DLG2: variants seen among roughly 807,000 people sequenced by gnomAD.
DLG2 encodes discs large MAGUK scaffold protein 2, also known as disks large homolog 2.
DLG2 carries 45 observed loss-of-function variants against 132.5 expected under a neutral mutation model. The observed-to-expected ratio is 0.34, with a 90% CI of 0.27 to 0.44. The LOEUF is 0.44. Ranked by LOEUF, DLG2 falls within the 20% of genes least tolerant of loss-of-function variation. The pLI, the probability that DLG2 is intolerant of heterozygous loss-of-function variation, is 1.00. For synonymous variants in DLG2, 424 were observed against 419.6 expected, an observed-to-expected ratio of 1.01 and a Z score of -0.13; for missense variants, 1,045 against 1,196.9, an observed-to-expected ratio of 0.87 and a Z score of 1.87.
chr11:84,044,345 T>C (rs1486413345), intron 11 of DLG2, among the ~76,000 whole-genome samples: 2 of 151,838 alleles, frequency 1.3e-5, no homozygotes, highest in Admixed American at 6.6e-5. Flanking sequence ...AATTCTTTCA[T>C]CCTGCTCATG....
chr11:83,706,797 G>A (rs750246178), intron 18 of DLG2, among the ~76,000 whole-genome samples: 7 of 152,198 alleles, frequency 4.6e-5, no homozygotes, highest in South Asian at 2.1e-4. Context: ...AGAGAGAGGC[G>A]TGGCAGCTAA....
intron 4 of DLG2, among the ~76,000 whole-genome samples, chr11:85,175,953 G>A (rs1405028629): frequency 6.6e-6 from 1 of 152,128 alleles, no homozygotes; most frequent in African/African-American, 2.4e-5. Flanking sequence ...ACTGCTCAAG[G>A]AAATCAGAGA....
chr11:83,464,027 T>C (rs142776778), intron 26 of DLG2, among the ~76,000 whole-genome samples: 23 of 152,352 alleles, frequency 1.5e-4, no homozygotes, highest in African/African-American at 4.8e-4. Context: ...GTTGAATGAA[T>C]AGATGAGTAA....
chr11:83,684,855 C>T (rs1404341168), intron 18 of DLG2, among the ~76,000 whole-genome samples: 2 of 152,046 alleles, frequency 1.3e-5, no homozygotes, highest in Non-Finnish European at 2.9e-5. Flanking sequence ...GTCATGATAA[C>T]TCTTATATTG....
At chr11:84,695,013 T>C (rs2058468652) in intron 6 of DLG2, among the ~76,000 whole-genome samples, 1 of 151,550 alleles carries the variant, frequency 6.6e-6, no homozygotes, top group African/African-American at 2.4e-5. Flanking sequence ...TTCTAGTATA[T>C]TGATGCTTAT....
At chr11:83,904,839 C>T (rs957672813) in intron 15 of DLG2, among the ~76,000 whole-genome samples, 13 of 152,118 alleles carry the variant, frequency 8.5e-5, no homozygotes, top group African/African-American at 3.1e-4. Context: ...ACTGTGGGAA[C>T]TGGAGCTCAG....
In DLG2 at chr11:84,198,969, G is replaced by A. The variant is rs560786792; in HGVS notation, c.574-35458C>T. 7.2e-5 allele frequency among the ~76,000 whole-genome samples: 11 copies of A among 152,210 alleles called. No homozygotes were observed. In the East Asian group the frequency reaches 2.1e-3, roughly 29 times the overall value. ...CAAGAAACTTACCTTGTTAAAAAAT[G>A]GTCAACAGAGCTATGGATAACGGTA... On this transcript the variant is annotated intron_variant, in intron 8 of 27. Coordinates refer to ENST00000376104, the MANE Select transcript of DLG2 (RefSeq NM_001142699.3).
chr11:84,622,303 C>A (rs2099615389), intron 6 of DLG2, among the ~76,000 whole-genome samples: 1 of 152,164 alleles, frequency 6.6e-6, no homozygotes. Flanking sequence ...CAGTTCACCA[C>A]CAGAAAGAGT....
intron 6 of DLG2, among the ~76,000 whole-genome samples, chr11:84,600,484 T>C (rs2099574483): frequency 2.0e-5 from 3 of 152,188 alleles, no homozygotes; most frequent in Non-Finnish European, 4.4e-5. Flanking sequence ...AGCAGAAATA[T>C]TCGACAGATT....
intron 6 of DLG2, among the ~76,000 whole-genome samples, chr11:84,806,153 A>G (rs2075974117): frequency 1.3e-5 from 2 of 152,194 alleles, no homozygotes; most frequent in Non-Finnish European, 2.9e-5. Context: ...TATTGACCTA[A>G]AAAATCACAA....
At chr11:85,104,057 T>A (rs2071307842) in intron 6 of DLG2, among the ~76,000 whole-genome samples, 2 of 151,942 alleles carry the variant, frequency 1.3e-5, no homozygotes, top group Middle Eastern at 3.4e-3. Flanking sequence ...AGATAGGTAA[T>A]AACGAGTGTT....
At chr11:85,598,468 T>C (rs11827281) in intron 3 of DLG2, among the ~76,000 whole-genome samples, 189 bp downstream of exon 3, 2 of 152,092 alleles carry the variant, frequency 1.3e-5, no homozygotes, top group African/African-American at 4.8e-5. Flanking sequence ...AATTCCTTTC[T>C]AGGTTAACCT....
chr11:84,873,727 C>T (rs1038928455), intron 6 of DLG2, among the ~76,000 whole-genome samples: 1 of 152,200 alleles, frequency 6.6e-6, no homozygotes, highest in African/African-American at 2.4e-5. Context: ...TTTTCAAAAA[C>T]CGTGTTGAGG....
chr11:84,219,436 AC>A (rs2096884710), intron 8 of DLG2, among the ~76,000 whole-genome samples: 1 of 152,362 alleles, frequency 6.6e-6, no homozygotes, highest in East Asian at 1.9e-4. Context: ...TAGAAAAACC[AC>A]AAAGTACGTG....
chr11:85,482,510 CCTA>C (rs2093322254), intron 3 of DLG2, among the ~76,000 whole-genome samples: 1 of 152,168 alleles, frequency 6.6e-6, no homozygotes, highest in Non-Finnish European at 1.5e-5. Context: ...CCTCTGTGTA[CCTA>C]CTACTCAATC....
At chr11:84,074,136 G>T (rs1413377252) in intron 10 of DLG2, among the ~76,000 whole-genome samples, 1 of 152,072 alleles carries the variant, frequency 6.6e-6, no homozygotes, top group Non-Finnish European at 1.5e-5. Context: ...AAATTTATTT[G>T]TTTTCTTATT....
At chr11:85,582,429 T>C (rs1467790560) in intron 3 of DLG2, among the ~76,000 whole-genome samples, 1 of 151,914 alleles carries the variant, frequency 6.6e-6, no homozygotes, top group Non-Finnish European at 1.5e-5. Flanking sequence ...GAAGAAATTA[T>C]TACTGGATAG....
chr11:84,388,438 T>C (rs1198568472), intron 7 of DLG2, among the ~76,000 whole-genome samples: 3 of 152,094 alleles, frequency 2.0e-5, no homozygotes, highest in South Asian at 4.1e-4. Context: ...CCATTTTTTA[T>C]TGTGTATGTT....
chr11:84,306,770 A>T (rs746814627), intron 7 of DLG2, among the ~76,000 whole-genome samples: 1 of 152,158 alleles, frequency 6.6e-6, no homozygotes, highest in Non-Finnish European at 1.5e-5. Context: ...CTTTAACAAC[A>T]CTTAAGTACC....
Sources: gnomAD v4.1 joint callset for allele counts (sites outside exome capture counted in the v4.1 genomes callset) on GRCh38, gnomAD v4.1.1 for gene constraint, MANE v1.5 for transcripts, NCBI Gene and HGNC (gene_info 2026-07-23, HGNC 2026-07-21) for gene names.